The following FASTKD1 variants were observed in gnomAD, a reference collection of about 807,000 sequenced individuals.
The protein encoded by FASTKD1 is FAST kinase domain-containing protein 1, mitochondrial.
A neutral mutation model predicts 90.9 loss-of-function variants in FASTKD1; 94 were observed. That is an observed-to-expected ratio of 1.03 (90% CI 0.88 to 1.23). FASTKD1 has a LOEUF of 1.23. Ranked by LOEUF, FASTKD1 falls within the 50% of genes most tolerant of loss-of-function variation. The probability of loss-of-function intolerance (pLI) is 0.00; values close to 1 mark genes in which losing one functional copy is unlikely to be tolerated. For synonymous variants in FASTKD1, 319 were observed against 345.8 expected, an observed-to-expected ratio of 0.92 and a Z score of 0.86; for missense variants, 945 against 993.5, an observed-to-expected ratio of 0.95 and a Z score of 0.66.
chr2:169,531,789 C>T (rs1684504602), intron 12 of FASTKD1: 1 of 225,654 alleles, frequency 4.4e-6, no homozygotes, highest in African/African-American at 2.3e-5. Context: ...CTCTTTAAGG[C>T]TCTTGATTAC....
At chr2:169,563,420 T>G (rs1027986247) in intron 3 of FASTKD1, 70 bp from the exon 4 acceptor site, 1 of 1,118,812 alleles carries the variant, frequency 8.9e-7, no homozygotes, top group African/African-American at 1.6e-5. Context: ...TATATAGTTA[T>G]AAAATTAAAA....
intron 12 of FASTKD1, 102 bp downstream of exon 12, chr2:169,537,124 GA>G: frequency 4.4e-6 from 3 of 689,522 alleles, no homozygotes; most frequent in South Asian, 1.7e-5. Context: ...ATAACAACTT[GA>G]AAAAAATTCA....
chr2:169,539,125 G>C (rs1000780478), intron 10 of FASTKD1, among the ~76,000 whole-genome samples: 1 of 151,626 alleles, frequency 6.6e-6, no homozygotes, highest in Non-Finnish European at 1.5e-5. Flanking sequence ...AAAATTAGCC[G>C]GGCATGGTGG....
chr2:169,567,979 C>G (rs1220336959), intron 3 of FASTKD1, among the ~76,000 whole-genome samples: 1 of 152,164 alleles, frequency 6.6e-6, no homozygotes. Context: ...TAAAGAGCTT[C>G]TGATATATAA....
At chr2:169,553,753 T>TA (rs937126432) in intron 7 of FASTKD1, among the ~76,000 whole-genome samples, 46 of 146,574 alleles carry the variant, frequency 3.1e-4, no homozygotes, top group Admixed American at 4.1e-4. Context: ...CCATCTCTAC[T>TA]AAAAAAAAAA....
At chr2:169,544,619 G>T in intron 9 of FASTKD1, 102 bp downstream of exon 9, 1 of 685,818 alleles carries the variant, frequency 1.5e-6, no homozygotes, top group Non-Finnish European at 2.5e-6. Flanking sequence ...GATAATTCAT[G>T]TCTATTATGG....
rs563661268 is a variant in FASTKD1 at position 169,536,199 on chromosome 2, A to G, written c.2188+1028T>C. Among the ~76,000 whole-genome samples the G allele has an allele frequency of 6.6e-5, 10 of 152,278 alleles. No individual in the cohort carries two copies. The East Asian group carries it at 1.9e-3, about 29-fold the overall frequency. On this transcript the variant is annotated intron_variant, in intron 12 of 14. Transcript: ENST00000453153. ...TGCTTTACATGCAATATCTCAGTTA[A>G]TCCTATCAAGTAGGCATTATTATCC...
intron 10 of FASTKD1, among the ~76,000 whole-genome samples, chr2:169,539,624 G>T (rs1422243153): frequency 6.6e-6 from 1 of 152,072 alleles, no homozygotes; most frequent in South Asian, 2.1e-4. Flanking sequence ...AATTAGCTGG[G>T]CATGGTGACA....
intron 12 of FASTKD1, among the ~76,000 whole-genome samples, chr2:169,532,861 G>C (rs978860664): frequency 1.3e-5 from 2 of 152,110 alleles, no homozygotes; most frequent in African/African-American, 4.8e-5. Context: ...ATGAGGAATA[G>C]GTTCCACTGC....
At chr2:169,545,385 A>G (rs1350236453) in intron 8 of FASTKD1, among the ~76,000 whole-genome samples, 1 of 152,074 alleles carries the variant, frequency 6.6e-6, no homozygotes, top group Admixed American at 6.6e-5. Context: ...TTTTTCTTTC[A>G]TTTGCTTTTT....
intron 7 of FASTKD1, among the ~76,000 whole-genome samples, chr2:169,550,510 A>G (rs1685442359): frequency 6.6e-6 from 1 of 151,760 alleles, no homozygotes; most frequent in South Asian, 2.1e-4. Flanking sequence ...ATAGGGTCTC[A>G]CTCTATAGCC....
Position 169,537,219 on chromosome 2 carries a change from T to C in FASTKD1, c.2188+8A>G, listed in dbSNP as rs767453569. ...TGAAAGTAACTAATAACCTACCCAA[T>C]AACTTACCTACTTTGTGGTAATAAG... On this transcript the variant is annotated splice_region_variant and intron_variant, in intron 12 of 14. Transcript: ENST00000453153. The C allele has an allele frequency of 9.2e-5, 138 of 1,505,082 alleles. 1 individual carries two copies. The highest frequency in any genetic ancestry group is 1.3e-4 in the Non-Finnish European group (138 of 1,081,838). The allele number at this position is 1,505,082 out of a possible 1,614,324, so 93.2% of individuals were successfully genotyped here.
intron 7 of FASTKD1, among the ~76,000 whole-genome samples, chr2:169,547,169 G>T (rs1459177446): frequency 1.3e-5 from 2 of 152,192 alleles, no homozygotes; most frequent in African/African-American, 4.8e-5. Flanking sequence ...ATGTTTACAG[G>T]TTTATTATAA....
In FASTKD1 at chr2:169,540,070, T is replaced by C; in HGVS notation, c.1926A>G (p.Arg642=). The C allele has an allele frequency of 1.3e-6, 2 of 1,596,110 alleles. No homozygotes were observed. The highest frequency in any genetic ancestry group is 1.7e-6 in the Non-Finnish European group (2 of 1,170,296). ...ACATACTTTCAAGTTGAGAATCCAA[T>C]CTAGCTAAGAATTTGATGTTAAAAA... ...KAIFNIKFLA[R]LDSQLEILSP... Residue 642 remains arginine (R), a synonymous_variant, in exon 10 of 15, where the codon AGA becomes AGG. Transcript: ENST00000453153.
chr2:169,572,252 AT>A lies in FASTKD1; in HGVS notation c.-142-82del, dbSNP rs35526484. ...TCCAAAATTCAAATTAAAGTAATAC[AT>A]TTTTTCTGCATTAACTAAAGACTTT... On this transcript the variant is annotated intron_variant, in intron 1 of 14. Coordinates refer to ENST00000453153, the MANE Select transcript of FASTKD1 (RefSeq NM_024622.6). 3.4e-3 allele frequency: 1,292 copies of A among 381,284 alleles called. 19 individuals carry two copies. Among genetic ancestry groups the A allele is most frequent in the African/African-American group, 0.024 (1,163 of 48,198 alleles). 23.6% of individuals were successfully genotyped at this position (381,284 alleles called of 1,614,324 possible).
chr2:169,569,334 A>G, intron 2 of FASTKD1, 82 bp from the exon 3 acceptor site: 1 of 1,288,000 alleles, frequency 7.8e-7, no homozygotes, highest in Admixed American at 1.7e-5. Context: ...ATAATGCAAA[A>G]GTGAAACTCA....
chr2:169,562,178 T>G (rs1246797759), intron 4 of FASTKD1, among the ~76,000 whole-genome samples: 8 of 150,712 alleles, frequency 5.3e-5, no homozygotes, highest in African/African-American at 1.5e-4. Context: ...TATTTTTTGG[T>G]TTTTTTGGAT....
chr2:169,528,763 T>C lies in FASTKD1; in HGVS notation c.*1062A>G, dbSNP rs1684361938. On this transcript the variant is annotated 3_prime_UTR_variant, in exon 15 of 15. Transcript: ENST00000453153. ...TGCTAAATTTAATAGCCATTTCCCA[T>C]TTGTCATCTTTCCTGACCTATCAGC... Among the ~76,000 whole-genome samples the C allele has an allele frequency of 6.6e-6, 1 of 152,160 alleles. No homozygotes were observed. Among genetic ancestry groups the C allele is most frequent in the South Asian group, 2.1e-4 (1 of 4,804 alleles).
chr2:169,537,541 C>T (rs1482159007), intron 11 of FASTKD1, among the ~76,000 whole-genome samples: 2 of 152,110 alleles, frequency 1.3e-5, no homozygotes, highest in Non-Finnish European at 2.9e-5. Context: ...TGTGCCACCA[C>T]GCCCAGCTAA....
Sources: allele counts gnomAD v4.1 joint callset (sites outside exome capture counted in the v4.1 genomes callset), GRCh38; gene constraint gnomAD v4.1.1; transcripts MANE v1.5; gene names NCBI Gene and HGNC (gene_info 2026-07-23, HGNC 2026-07-21).